LDHAL6A: variants seen among roughly 807,000 people sequenced by gnomAD.
LDHAL6A encodes L-lactate dehydrogenase A-like 6A.
A neutral mutation model predicts 28.2 loss-of-function variants in LDHAL6A; 19 were observed. That is an observed-to-expected ratio of 0.67 (90% confidence interval 0.47 to 0.99). The LOEUF (loss-of-function observed/expected upper bound fraction) is 0.99, where lower values mean the gene tolerates loss of function less well. LDHAL6A is among the 50% of genes least tolerant of loss of function. LDHAL6A has a pLI of 0.00. For missense variants in LDHAL6A, 372 were observed against 398.6 expected (o/e 0.93, Z 0.57); for synonymous variants, 144 against 134.4 (o/e 1.07, Z -0.49).
chr11:18,465,371 C>T (rs1395921163), intron 2 of LDHAL6A, among the ~76,000 whole-genome samples: 1 of 151,568 alleles, frequency 6.6e-6, no homozygotes, highest in Non-Finnish European at 1.5e-5. Flanking sequence ...GATGGACCCA[C>T]CTCGACCTCC....
intron 1 of LDHAL6A, among the ~76,000 whole-genome samples, chr11:18,461,218 C>T (rs1848892640): frequency 6.6e-6 from 1 of 151,544 alleles, no homozygotes; most frequent in Non-Finnish European, 1.5e-5. Flanking sequence ...GATCATGGCT[C>T]ACTTCAACCT....
intron 3 of LDHAL6A, 134 bp downstream of exon 3, chr11:18,465,944 C>T (rs1253568025): frequency 1.1e-5 from 7 of 638,606 alleles, no homozygotes; most frequent in Middle Eastern, 7.8e-4. Flanking sequence ...GAGCAAAGTA[C>T]CTAATAGTTT....
In LDHAL6A at chr11:18,456,419, C is replaced by A. The variant is rs1335865952; in HGVS notation, c.-262C>A. On this transcript the variant is annotated 5_prime_UTR_variant, in exon 1 of 7. Coordinates refer to ENST00000280706, the MANE Select transcript of LDHAL6A (RefSeq NM_144972.5). ...CCCTGTTCCTTTCCTCTCTCTCTCT[C>A]TTAATTCCTCTTAACTGTACTCACG... 1 of 393,378 alleles carries A rather than the reference C, an allele frequency of 2.5e-6. No individual in the cohort carries two copies. The highest frequency in any genetic ancestry group is 4.6e-6 in the Non-Finnish European group (1 of 219,514). 24.4% of individuals were successfully genotyped at this position (393,378 alleles called of 1,614,324 possible). A position where few individuals can be genotyped will look rare whatever the true frequency, so the allele number is the denominator to read the frequency against.
chr11:18,476,724 T>C (rs1849392319), intron 5 of LDHAL6A: 1 of 480,552 alleles, frequency 2.1e-6, no homozygotes, highest in Admixed American at 6.4e-5. Flanking sequence ...ATTGAGCACA[T>C]GGTAGGGGCT....
At chr11:18,467,918 T>TATATATATAC (rs1480735817) in intron 3 of LDHAL6A, among the ~76,000 whole-genome samples, 7 of 49,728 alleles carry the variant, frequency 1.4e-4, no homozygotes, top group African/African-American at 8.3e-4. Flanking sequence ...TATATATATA[T>TATATATATAC]ACACACACAT....
Position 18,456,643 on chromosome 11 carries a change from A to G in LDHAL6A, c.-38A>G. 2.5e-6 allele frequency: 4 copies of G among 1,608,898 alleles called. No homozygotes were observed. The highest frequency in any genetic ancestry group is 3.4e-6 in the Non-Finnish European group (4 of 1,176,226). ...CCATTTCCAATTCCAGGTCTTGGAA[A>G]TGGCTGTGCAATTTGTCTTCACTGT... On this transcript the variant is annotated 5_prime_UTR_variant, in exon 1 of 7. The change abolishes an upstream ATG in the 5' untranslated region. Coordinates refer to ENST00000280706, the MANE Select transcript of LDHAL6A (RefSeq NM_144972.5).
intron 3 of LDHAL6A, among the ~76,000 whole-genome samples, chr11:18,473,906 G>A (rs1424339195): frequency 6.6e-6 from 1 of 152,044 alleles, no homozygotes; most frequent in African/African-American, 2.4e-5. Flanking sequence ...GTTTCCTTCT[G>A]TTCCTAGATT....
chr11:18,465,869 C>G (rs375408008), intron 3 of LDHAL6A, 59 bp downstream of exon 3: 1 of 1,363,792 alleles, frequency 7.3e-7, no homozygotes. Flanking sequence ...TGTGTAGGTT[C>G]ATTACATGAG....
intron 1 of LDHAL6A, among the ~76,000 whole-genome samples, chr11:18,458,036 C>T (rs1318497162): frequency 2.6e-5 from 4 of 152,166 alleles, no homozygotes; most frequent in Non-Finnish European, 5.9e-5. Flanking sequence ...ATCACCTCTG[C>T]TTTGAAGGGC....
chr11:18,469,579 TA>T (rs1011537687), intron 3 of LDHAL6A, among the ~76,000 whole-genome samples: 1 of 152,096 alleles, frequency 6.6e-6, no homozygotes, highest in Admixed American at 6.6e-5. Flanking sequence ...TAAGGAAAAA[TA>T]AAAAAATCTC....
intron 2 of LDHAL6A, among the ~76,000 whole-genome samples, chr11:18,465,110 G>A (rs1038705542): frequency 6.6e-6 from 1 of 151,666 alleles, no homozygotes; most frequent in Non-Finnish European, 1.5e-5. Context: ...GGGACTATAG[G>A]AGTGCACTAC....
chr11:18,469,586 AT>A (rs1469322412), intron 3 of LDHAL6A, among the ~76,000 whole-genome samples: 2 of 152,232 alleles, frequency 1.3e-5, no homozygotes, highest in East Asian at 1.9e-4. Context: ...AAATAAAAAA[AT>A]CTCAATCTCA....
At chr11:18,466,510 A>G (rs1272814447) in intron 3 of LDHAL6A, among the ~76,000 whole-genome samples, 1 of 151,882 alleles carries the variant, frequency 6.6e-6, no homozygotes, top group African/African-American at 2.4e-5. Context: ...AAAAATTATC[A>G]GGGCATGGTG....
intron 1 of LDHAL6A, among the ~76,000 whole-genome samples, chr11:18,457,081 T>A (rs565735502): frequency 6.6e-6 from 1 of 152,314 alleles, no homozygotes; most frequent in African/African-American, 2.4e-5. Context: ...TTTGCTTGAT[T>A]TGGAAACTCA....
intron 1 of LDHAL6A, among the ~76,000 whole-genome samples, chr11:18,459,243 T>C (rs1320187159): frequency 6.6e-6 from 1 of 152,184 alleles, no homozygotes; most frequent in Non-Finnish European, 1.5e-5. Flanking sequence ...ACGTCTAGGA[T>C]AAAAGCAGGC....
chr11:18,474,323 C>T (rs7113442), intron 3 of LDHAL6A, among the ~76,000 whole-genome samples: 46,743 of 151,752 alleles, frequency 0.31, 7,264 homozygotes, highest in Middle Eastern at 0.36. Flanking sequence ...GTGATCCACC[C>T]GCCTCGGCCT....
rs148089778 is a variant in LDHAL6A, at chr11:18,464,571, C to T, written c.244+493C>T. On this transcript the variant is annotated intron_variant, in intron 2 of 6. Coordinates refer to ENST00000280706, the MANE Select transcript of LDHAL6A (RefSeq NM_144972.5). Reference sequence around the variant, plus strand: ...CTCTATTAAAAACATAAAAATTAGCCGGGCGTGGTGGTGCATGCCTGTAAC... The same window carrying T: ...CTCTATTAAAAACATAAAAATTAGCTGGGCGTGGTGGTGCATGCCTGTAAC... Among the ~76,000 whole-genome samples, 650 of 152,122 alleles carry T rather than the reference C, an allele frequency of 4.3e-3. 2 individuals carry two copies. The highest frequency in any genetic ancestry group is 0.017 in the Middle Eastern group (5 of 294).
chr11:18,465,656 C>T lies in LDHAL6A; in HGVS notation c.264C>T (p.Asn88=), dbSNP rs372673468. Residue 88 remains asparagine (N), a synonymous_variant, in exon 3 of 7, where the codon AAC becomes AAT. Coordinates refer to ENST00000280706, the MANE Select transcript of LDHAL6A (RefSeq NM_144972.5). The part of the protein sequence containing the change: ...VSSKDYLVTA[N]SNLVIITAGA... ...CCTCAGATTACCTGGTCACTGCAAA[C>T]TCCAATCTAGTGATTATCACAGCAG... The T allele has an allele frequency of 6.2e-6, 10 of 1,613,548 alleles. No individual in the cohort carries two copies. The highest frequency in any genetic ancestry group is 7.6e-6 in the Non-Finnish European group (9 of 1,179,846).
chr11:18,462,128 A>AT (rs761996419), intron 1 of LDHAL6A, among the ~76,000 whole-genome samples: 1 of 152,140 alleles, frequency 6.6e-6, no homozygotes, highest in African/African-American at 2.4e-5. Context: ...AGTCATGATC[A>AT]TGCTACTGTA....
Sources: gnomAD v4.1 joint callset for allele counts (sites outside exome capture counted in the v4.1 genomes callset) on GRCh38, gnomAD v4.1.1 for gene constraint, MANE v1.5 for transcripts, NCBI Gene and HGNC (gene_info 2026-07-23, HGNC 2026-07-21) for gene names.